The following PPARGC1A variants were observed in gnomAD, a reference collection of about 807,000 sequenced individuals.
PPARGC1A encodes PPARG coactivator 1 alpha.
A neutral mutation model predicts 88.7 loss-of-function variants in PPARGC1A; 25 were observed. The observed-to-expected ratio is 0.28, with a 90% confidence interval of 0.21 to 0.39. PPARGC1A has a LOEUF of 0.39. Ranked by LOEUF, PPARGC1A falls within the 10% of genes least tolerant of loss-of-function variation. The pLI is 1.00. For synonymous variants in PPARGC1A, 363 were observed against 355.6 expected (o/e 1.02, Z -0.24); for missense variants, 880 against 968.7 (o/e 0.91, Z 1.22).
At chr4:24,072,274 A>G in the PPARGC1A span, among the ~76,000 whole-genome samples, 1 of 151,430 alleles carries the variant, frequency 6.6e-6, no homozygotes, top group Non-Finnish European at 1.5e-5. Flanking sequence ...AATGTTATTT[A>G]ATTAAAGCTA....
the PPARGC1A span, among the ~76,000 whole-genome samples, chr4:24,134,163 C>T: frequency 6.6e-6 from 1 of 152,204 alleles, no homozygotes; most frequent in Non-Finnish European, 1.5e-5. Context: ...GATACCTTTG[C>T]ACCATTTTGC....
At chr4:24,281,176 A>C in the PPARGC1A span, among the ~76,000 whole-genome samples, 1 of 152,210 alleles carries the variant, frequency 6.6e-6, no homozygotes, top group Non-Finnish European at 1.5e-5. Context: ...GACTTCAGCC[A>C]AGCAAATTCA....
At chr4:24,097,316 G>A in the PPARGC1A span, among the ~76,000 whole-genome samples, 20 of 152,142 alleles carry the variant, frequency 1.3e-4, no homozygotes, top group South Asian at 3.1e-3. Context: ...ATTAAGTTCC[G>A]AGCCAAGGAG....
At chr4:24,217,266 A>G in the PPARGC1A span, among the ~76,000 whole-genome samples, 3 of 152,200 alleles carry the variant, frequency 2.0e-5, no homozygotes, top group East Asian at 5.8e-4. Context: ...TGCTTCAACT[A>G]CCTGAGATGT....
chr4:23,888,553 A>G (rs1055099756), intron 1 of PPARGC1A, among the ~76,000 whole-genome samples: 7 of 152,218 alleles, frequency 4.6e-5, no homozygotes, highest in African/African-American at 1.4e-4. Flanking sequence ...CATAATGGCT[A>G]CAGGGCATAT....
At chr4:24,167,103 C>A in the PPARGC1A span, among the ~76,000 whole-genome samples, 16,921 of 152,200 alleles carry the variant, frequency 0.11, 1,344 homozygotes, top group South Asian at 0.26. Flanking sequence ...ATAACATTTA[C>A]AATTCATGGG....
At chr4:24,021,111 C>T in the PPARGC1A span, among the ~76,000 whole-genome samples, 1 of 152,228 alleles carries the variant, frequency 6.6e-6, no homozygotes, top group Non-Finnish European at 1.5e-5. Flanking sequence ...AAGCAGGGTT[C>T]CTGGCCCATA....
At chr4:23,912,828 G>A in the PPARGC1A span, among the ~76,000 whole-genome samples, 2 of 147,764 alleles carry the variant, frequency 1.4e-5, no homozygotes, top group Non-Finnish European at 1.5e-5. Flanking sequence ...TCACTCTGTC[G>A]CCCAGGCTGG....
the PPARGC1A span, among the ~76,000 whole-genome samples, chr4:24,195,784 T>A: frequency 6.6e-6 from 1 of 152,216 alleles, no homozygotes; most frequent in East Asian, 1.9e-4. Flanking sequence ...TATTTTTGTG[T>A]TCTAGATACT....
At chr4:24,015,269 TAGAG>T in the PPARGC1A span, among the ~76,000 whole-genome samples, 2,102 of 152,114 alleles carry the variant, frequency 0.014, 39 homozygotes, top group African/African-American at 0.047. Flanking sequence ...ATAGATGAGA[TAGAG>T]ATAGAGATAG....
chr4:24,311,086 C>CTTTT, the PPARGC1A span, among the ~76,000 whole-genome samples: 14 of 59,870 alleles, frequency 2.3e-4, 2 homozygotes, highest in African/African-American at 1.0e-3. Context: ...TATAATAATT[C>CTTTT]TTTTTTTTTT....
the PPARGC1A span, among the ~76,000 whole-genome samples, chr4:24,236,883 G>T: frequency 1.3e-5 from 2 of 152,152 alleles, no homozygotes; most frequent in Admixed American, 1.3e-4. Context: ...TGGCTAAAAG[G>T]TTAGACATGA....
the PPARGC1A span, among the ~76,000 whole-genome samples, chr4:24,459,912 T>C: frequency 2.6e-5 from 4 of 152,244 alleles, no homozygotes; most frequent in South Asian, 6.2e-4. Flanking sequence ...TCTTAAATAC[T>C]GTATATGCCC....
chr4:24,264,204 A>G, the PPARGC1A span, among the ~76,000 whole-genome samples: 1 of 152,216 alleles, frequency 6.6e-6, no homozygotes, highest in Non-Finnish European at 1.5e-5. Flanking sequence ...TGGGAGAATC[A>G]AAAGTTATAC....
the PPARGC1A span, among the ~76,000 whole-genome samples, chr4:23,971,908 T>G: frequency 1.3e-5 from 2 of 152,206 alleles, no homozygotes; most frequent in African/African-American, 4.8e-5. Flanking sequence ...ACTTTATTGG[T>G]TGAGCTTTCT....
chr4:24,156,467 CAGTT>C, the PPARGC1A span, among the ~76,000 whole-genome samples: 1 of 151,886 alleles, frequency 6.6e-6, no homozygotes, highest in African/African-American at 2.4e-5. Context: ...TTTTTGGTAA[CAGTT>C]AGGAAAGGAC....
chr4:23,995,505 C>G, the PPARGC1A span, among the ~76,000 whole-genome samples: 1 of 152,176 alleles, frequency 6.6e-6, no homozygotes, highest in East Asian at 1.9e-4. Context: ...ATTCCCTCAG[C>G]TTTGCACATA....
chr4:24,153,022 T>A, the PPARGC1A span, among the ~76,000 whole-genome samples: 1 of 152,238 alleles, frequency 6.6e-6, no homozygotes, highest in Non-Finnish European at 1.5e-5. Context: ...TGTTCTTCCC[T>A]GCTGTGGACA....
At chr4:24,077,867 C>T in the PPARGC1A span, among the ~76,000 whole-genome samples, 2 of 151,804 alleles carry the variant, frequency 1.3e-5, no homozygotes, top group Non-Finnish European at 2.9e-5. Flanking sequence ...TTCATGTTTG[C>T]TTTTATTTTT....
Sources: allele counts gnomAD v4.1 joint callset (sites outside exome capture counted in the v4.1 genomes callset), GRCh38; gene constraint gnomAD v4.1.1; transcripts MANE v1.5; gene names NCBI Gene and HGNC (gene_info 2026-07-23, HGNC 2026-07-21).